The following NSUN2 variants were observed in gnomAD, a reference collection of about 807,000 sequenced individuals.
NSUN2 encodes NOP2/Sun RNA methyltransferase 2.
NSUN2 carries 63 observed loss-of-function variants against 92.7 expected under a neutral mutation model. The ratio of observed to expected loss-of-function variants is 0.68; its 90% CI spans 0.56 to 0.84. The LOEUF (loss-of-function observed/expected upper bound fraction) is 0.84, where lower values mean the gene tolerates loss of function less well. Among genes scored for constraint, NSUN2 ranks in the 40% least tolerant of loss-of-function variants. The pLI is 0.00. For missense variants in NSUN2, 989 were observed against 964.9 expected (o/e 1.02, Z -0.33); for synonymous variants, 356 against 348.3 (o/e 1.02, Z -0.25).
intron 18 of NSUN2, among the ~76,000 whole-genome samples, chr5:6,600,504 A>C (rs1736505834): frequency 6.6e-6 from 1 of 152,164 alleles, no homozygotes; most frequent in African/African-American, 2.4e-5. Flanking sequence ...TACAGATTTC[A>C]CATACACTTT....
chr5:6,604,850 T>C lies in NSUN2; in HGVS notation c.1738-165A>G, dbSNP rs1027846357. ...AGAACGAACTGATACTCACAACTTG[T>C]GATTACGTCGTTTGGAGGACAGTAA... On this transcript the variant is annotated intron_variant, in intron 15 of 18. Transcript: ENST00000264670. 7 of 638,976 alleles carry C rather than the reference T, an allele frequency of 1.1e-5. No individual in the cohort carries two copies. In the East Asian group the frequency reaches 1.9e-4, roughly 17 times the overall value. 39.6% of individuals were successfully genotyped at this position (638,976 alleles called of 1,614,324 possible).
Position 6,625,649 on chromosome 5 carries a change from C to T in NSUN2, c.380G>A (p.Trp127Ter), listed in dbSNP as rs1737625612. Reference sequence around the variant, plus strand: ...GATTTTTCGACTTAAATTTGTGTGCCAGGCAAGTTCTTCAGGATACCTGAC... The same window carrying T: ...GATTTTTCGACTTAAATTTGTGTGCTAGGCAAGTTCTTCAGGATACCTGAC... ...PLSWYPEELAWHTNLSRKILR... is the reference protein window; with the variant it reads ...PLSWYPEELA The change falls in exon 4 of 19, where the codon TGG (tryptophan) becomes TAG (stop). Residue 127 changes from tryptophan (W) to a stop codon, truncating the protein, a stop_gained. Coordinates refer to ENST00000264670, the MANE Select transcript of NSUN2 (RefSeq NM_017755.6). LOFTEE classifies it high-confidence loss of function. 6.2e-7 allele frequency: 1 copy of T among 1,613,944 alleles called. No individual in the cohort carries two copies. The highest frequency in any genetic ancestry group is 1.3e-5 in the African/African-American group (1 of 74,918).
intron 17 of NSUN2, 21 bp downstream of exon 17, chr5:6,604,117 T>C (rs1736660792): frequency 1.2e-6 from 2 of 1,607,538 alleles, no homozygotes; most frequent in Non-Finnish European, 8.5e-7. Context: ...GTTATGTCTC[T>C]ATGCATTTCC....
At chr5:6,608,341 C>T (rs1016028143) in intron 12 of NSUN2, among the ~76,000 whole-genome samples, 2 of 152,160 alleles carry the variant, frequency 1.3e-5, no homozygotes, top group African/African-American at 4.8e-5. Context: ...CATTCTGGGA[C>T]CTTCAAATAC....
chr5:6,606,054 G>A (rs1035639743), intron 14 of NSUN2, among the ~76,000 whole-genome samples: 5 of 152,152 alleles, frequency 3.3e-5, no homozygotes, highest in African/African-American at 1.2e-4. Flanking sequence ...GACCGCCCTG[G>A]TAAATAGATT....
intron 8 of NSUN2, among the ~76,000 whole-genome samples, chr5:6,617,459 AAAC>A (rs535294422): frequency 4.1e-4 from 63 of 152,340 alleles, no homozygotes; most frequent in African/African-American, 4.6e-4. Flanking sequence ...GTAAACAGAA[AAAC>A]AATACAACAC....
Position 6,605,384 on chromosome 5 carries a change from T to C in NSUN2, c.1626A>G (p.Ser542=). The C allele has an allele frequency of 1.2e-6, 2 of 1,614,188 alleles. No individual in the cohort carries two copies. The highest frequency in any genetic ancestry group is 1.7e-6 in the Non-Finnish European group (2 of 1,180,008). ...GAGTTAACAAATTCATCCTTGGGAA[T>C]GAAGGATCCAAAGCATAAAATTTCC... is the stretch of plus-strand genomic sequence containing the variant. ...PIEKFYALDP[S]FPRMNLLTRT... Residue 542 remains serine, a synonymous_variant, in exon 15 of 19, where the codon TCA becomes TCG. Coordinates refer to ENST00000264670, the MANE Select transcript of NSUN2 (RefSeq NM_017755.6).
intron 6 of NSUN2, chr5:6,621,420 T>C (rs946946652): frequency 1.3e-5 from 2 of 151,952 alleles, no homozygotes; most frequent in Non-Finnish European, 2.9e-5. Context: ...ATTCAAACAG[T>C]GAAATCTATC....
intron 18 of NSUN2, among the ~76,000 whole-genome samples, chr5:6,600,610 A>G (rs1443051351): frequency 6.6e-6 from 1 of 152,096 alleles, no homozygotes; most frequent in Admixed American, 6.5e-5. Context: ...GGCTCCCTGC[A>G]GCTCACCTCA....
chr5:6,616,402 C>T (rs1044074944), intron 9 of NSUN2, among the ~76,000 whole-genome samples: 5 of 152,104 alleles, frequency 3.3e-5, no homozygotes, highest in East Asian at 3.9e-4. Flanking sequence ...AAGCCAGTCA[C>T]GAAAAGACAA....
At chr5:6,621,942 G>A in intron 6 of NSUN2, 74 bp downstream of exon 6, 2 of 1,302,062 alleles carry the variant, frequency 1.5e-6, no homozygotes, top group Non-Finnish European at 2.2e-6. Flanking sequence ...AGCAGGCAAA[G>A]TTAGAGTCTT....
chr5:6,628,791 C>G (rs920225037), intron 3 of NSUN2, among the ~76,000 whole-genome samples: 1 of 152,154 alleles, frequency 6.6e-6, no homozygotes, highest in Non-Finnish European at 1.5e-5. Flanking sequence ...GTCTGTAATC[C>G]CAGCACTTTG....
rs759860742 is a variant in NSUN2, at chr5:6,605,347, C to T, written c.1663G>A (p.Gly555Arg). Residue 555 changes from glycine (G) to arginine (R), a missense_variant, in exon 15 of 19, where the codon GGG becomes AGG. Gly to Arg is a moderately radical substitution (Grantham distance 125). Coordinates refer to ENST00000264670, the MANE Select transcript of NSUN2 (RefSeq NM_017755.6). ...RMNLLTRTTEGKKRQLYMVSK... is the reference protein window; with the variant it reads ...RMNLLTRTTERKKRQLYMVSK... ...ACCATGTAGAGCTGCCTTTTCTTCC[C>T]TTCTGTAGTCCGAGTTAACAAATTC... 12 of 1,614,090 alleles carry T rather than the reference C, an allele frequency of 7.4e-6. No individual in the cohort carries two copies. The highest frequency in any genetic ancestry group is 1.0e-5 in the Non-Finnish European group (12 of 1,180,042).
chr5:6,621,116 G>A (rs533676999), intron 6 of NSUN2: 1 of 152,324 alleles, frequency 6.6e-6, no homozygotes, highest in East Asian at 1.9e-4. Flanking sequence ...GATGAAAGCT[G>A]ACTCTAAAAC....
In NSUN2 at chr5:6,620,158, C is replaced by G; in HGVS notation, c.763G>C (p.Gly255Arg). 6.2e-7 allele frequency: 1 copy of G among 1,610,240 alleles called. No individual in the cohort carries two copies. The highest frequency in any genetic ancestry group is 8.5e-7 in the Non-Finnish European group (1 of 1,178,416). The part of the protein sequence containing the change: ...SIPRLQIDVD[G>R]RKEILFYDRI... ...TCATAGAAGAGGATCTCTTTCCTGCCGTCCACATCTATCTGGAGCCTGGGT... is the reference window on the plus strand; with the variant it reads ...TCATAGAAGAGGATCTCTTTCCTGCGGTCCACATCTATCTGGAGCCTGGGT... Residue 255 changes from glycine (G) to arginine (R), a missense_variant, in exon 7 of 19, where the codon GGC becomes CGC. Gly to Arg is a moderately radical substitution (Grantham distance 125, BLOSUM62 -2). This residue lies in a region of NSUN2 where 356 missense variants were observed against 338.6 expected (regional missense o/e 1.05). Coordinates refer to ENST00000264670, the MANE Select transcript of NSUN2 (RefSeq NM_017755.6).
rs535568776 is a variant in NSUN2, at chr5:6,620,189, G to A, written c.732C>T (p.Ser244=). Residue 244 remains serine, a synonymous_variant, in exon 7 of 19, where the codon TCC becomes TCT. Transcript: ENST00000264670. Reference sequence around the variant, plus strand: ...CATCTATCTGGAGCCTGGGTATGCTGGAGGCATCATGGTTGACCACCATGA... The same window carrying A: ...CATCTATCTGGAGCCTGGGTATGCTAGAGGCATCATGGTTGACCACCATGA... ...PCIMVVNHDA[S]SIPRLQIDVD... The A allele has an allele frequency of 9.5e-5, 154 of 1,613,028 alleles. No individual in the cohort carries two copies. The South Asian group carries it at 1.6e-3, about 17-fold the overall frequency.
chr5:6,607,782 A>T (rs957290109), intron 12 of NSUN2, among the ~76,000 whole-genome samples: 5 of 152,196 alleles, frequency 3.3e-5, no homozygotes, highest in African/African-American at 1.2e-4. Flanking sequence ...ACAAGTATAT[A>T]AATAACGAGA....
intron 13 of NSUN2, 133 bp from the exon 14 acceptor site, chr5:6,607,045 C>T: frequency 1.0e-6 from 1 of 973,588 alleles, no homozygotes; most frequent in Non-Finnish European, 1.6e-6. Context: ...AACCTTCCGG[C>T]TTCCACAGAG....
rs1435931472 is a variant in NSUN2, at chr5:6,632,469, C to G, written c.254+130G>C. On this transcript the variant is annotated intron_variant, in intron 2 of 18. Coordinates refer to ENST00000264670, the MANE Select transcript of NSUN2 (RefSeq NM_017755.6). Reference sequence around the variant, plus strand: ...GGACCCTGTGCTCCCCACCTCAATGCTTCCTGAATCCAAACCGCTGAAACG... The same window carrying G: ...GGACCCTGTGCTCCCCACCTCAATGGTTCCTGAATCCAAACCGCTGAAACG... 3.7e-6 allele frequency: 4 copies of G among 1,066,810 alleles called. No homozygotes were observed. The African/African-American group carries it at 6.3e-5, about 17-fold the overall frequency. The allele number at this position is 1,066,810 out of a possible 1,614,324, so 66.1% of individuals were successfully genotyped here.
Sources: allele counts gnomAD v4.1 joint callset (sites outside exome capture counted in the v4.1 genomes callset), GRCh38; gene constraint gnomAD v4.1.1; regional missense constraint gnomAD v4.1.1; transcripts MANE v1.5; gene names NCBI Gene and HGNC (gene_info 2026-07-23, HGNC 2026-07-21).